Variants in PSME2 observed in about 807,000 individuals in gnomAD.
PSME2 encodes the protein proteasome activator complex subunit 2.
Under a neutral mutation model 38.8 loss-of-function variants are expected in PSME2, and 20 were observed. The ratio of observed to expected loss-of-function variants is 0.52; its 90% CI spans 0.36 to 0.75. PSME2 has a LOEUF of 0.75. Among genes scored for constraint, PSME2 ranks in the 30% least tolerant of loss-of-function variants. PSME2 has a pLI of 0.00. For synonymous variants in PSME2, 82 were observed against 102.5 expected, an observed-to-expected ratio of 0.80 and a Z score of 1.21; for missense variants, 227 against 287.6, an observed-to-expected ratio of 0.79 and a Z score of 1.52.
rs767418138 is a variant in PSME2, at chr14:24,144,466, C to T, written c.363G>A (p.Val121=). 6.2e-7 allele frequency: 1 copy of T among 1,610,710 alleles called. No homozygotes were observed. ...GGATCAGGTGTTGGATCCATGTAAT[C>T]ACCTGTGTTAAGAGGTATCATGTAA... ...VWTLKEKCIL[V]ITWIQHLIPK... Residue 121 remains valine, a splice_region_variant and synonymous_variant, in exon 7 of 11, where the codon GTG becomes GTA. Coordinates refer to ENST00000216802, the MANE Select transcript of PSME2 (RefSeq NM_002818.3).
At chr14:24,145,918 C>A in intron 2 of PSME2, 146 bp from the exon 3 acceptor site, 2 of 945,724 alleles carry the variant, frequency 2.1e-6, no homozygotes, top group East Asian at 2.5e-5. Flanking sequence ...AGGACTTGCC[C>A]AAGCTGGTAA....
Position 24,145,049 on chromosome 14 carries a change from C to G in PSME2, c.360+9G>C. 6.2e-7 allele frequency: 1 copy of G among 1,607,706 alleles called. No homozygotes were observed. Among genetic ancestry groups the G allele is most frequent in the Non-Finnish European group, 8.5e-7 (1 of 1,174,146 alleles). ...TTCTCTTTCTGCTTCCCCCATTTCC[C>G]AGGCTTACCAGAATGCATTTCTCTT... is the stretch of plus-strand genomic sequence containing the variant. On this transcript the variant is annotated intron_variant, in intron 6 of 10. Transcript: ENST00000216802.
intron 6 of PSME2, 71 bp from the exon 7 acceptor site, chr14:24,144,539 TAA>T: frequency 1.4e-6 from 2 of 1,445,506 alleles, no homozygotes; most frequent in Non-Finnish European, 1.9e-6. Flanking sequence ...TGTCACTTCC[TAA>T]AAAAAGTTAT....
rs2038125371 is a variant in PSME2, at chr14:24,144,819, C to G, written c.360+239G>C. On this transcript the variant is annotated intron_variant, in intron 6 of 10. Transcript: ENST00000216802. ...TACCACCTCTACTATGAACCCAATA[C>G]AGCAGTAGGTTCTGAGGTTACAGAG... 6.8e-6 allele frequency: 4 copies of G among 584,888 alleles called. No individual in the cohort carries two copies. In the Admixed American group the frequency reaches 9.0e-5, roughly 13 times the overall value. 36.2% of individuals were successfully genotyped at this position (584,888 alleles called of 1,614,324 possible). A position where few individuals can be genotyped will look rare whatever the true frequency, so the allele number is the denominator to read the frequency against.
At chr14:24,146,133 G>T (rs2038151264) in intron 2 of PSME2, 75 bp downstream of exon 2, 1 of 1,548,436 alleles carries the variant, frequency 6.5e-7, no homozygotes, top group Non-Finnish European at 8.9e-7. Flanking sequence ...ACTTGGGGGG[G>T]TCATTCTGAG....
intron 6 of PSME2, 90 bp from the exon 7 acceptor site, chr14:24,144,558 T>TAAGTACCCAATTAAATA: frequency 7.7e-7 from 1 of 1,294,794 alleles, no homozygotes; most frequent in Non-Finnish European, 1.1e-6. Context: ...TTATATTTAA[T>TAAGTACCCAATTAAATA]TGGGTACTTA....
intron 8 of PSME2, 55 bp downstream of exon 8, chr14:24,144,137 G>A (rs2038116530): frequency 9.9e-6 from 16 of 1,612,270 alleles, no homozygotes; most frequent in Non-Finnish European, 1.3e-5. Flanking sequence ...CAGCTCTGGG[G>A]GTCCCAAAGA....
chr14:24,144,177 T>C lies in PSME2; in HGVS notation c.497+15A>G. The C allele has an allele frequency of 6.2e-7, 1 of 1,614,232 alleles. No homozygotes were observed. The highest frequency in any genetic ancestry group is 8.5e-7 in the Non-Finnish European group (1 of 1,180,048). ...CTCCTACTGCCCCCAATGCTGGTCC[T>C]CCAGCTGCCCTCACTTGGAAATGGT... On this transcript the variant is annotated intron_variant, in intron 8 of 10. Coordinates refer to ENST00000216802, the MANE Select transcript of PSME2 (RefSeq NM_002818.3).
intron 7 of PSME2, 53 bp from the exon 8 acceptor site, chr14:24,144,312 C>G: frequency 6.2e-7 from 1 of 1,610,794 alleles, no homozygotes; most frequent in Non-Finnish European, 8.5e-7. Context: ...CCATTTCATA[C>G]ACTATCTTCC....
chr14:24,144,691 C>G, intron 6 of PSME2: 1 of 597,136 alleles, frequency 1.7e-6, no homozygotes, highest in South Asian at 2.1e-5. Context: ...GTCTAAGTGA[C>G]TTACTTAAGG....
Position 24,143,934 on chromosome 14 carries a change from G to T in PSME2, c.552+41C>A, listed in dbSNP as rs201228737. On this transcript the variant is annotated intron_variant, in intron 9 of 10. Transcript: ENST00000216802. This position sits in a 1 kb window ranked among gnomAD's most constrained non-coding sequence, Gnocchi z 4.4. ...AGGACTTCTTCCTCCACACCTCCTC[G>T]TCCCACACCCAGCTAAAAGGCTGGT... 6.3e-7 allele frequency: 1 copy of T among 1,597,538 alleles called. No homozygotes were observed. Among genetic ancestry groups the T allele is most frequent in the Non-Finnish European group, 8.6e-7 (1 of 1,165,464 alleles).
Position 24,145,152 on chromosome 14 carries a change from T to C in PSME2, c.266A>G (p.His89Arg), listed in dbSNP as rs7146672. 4.3e-6 allele frequency: 7 copies of C among 1,613,408 alleles called. No individual in the cohort carries two copies. The highest frequency in any genetic ancestry group is 5.9e-6 in the Non-Finnish European group (7 of 1,179,406). ...ETDKQEKKEV[H>R]KCGFLPGNEK... ...ATTCCCAGGGAGAAATCCACACTTA[T>C]GGACTGTGAGAAAGAGGGGATTCAG... The change falls in exon 6 of 11, where the codon CAT becomes CGT. Residue 89 changes from histidine (H) to arginine (R), a missense_variant. His to Arg is a conservative substitution (Grantham distance 29). Coordinates refer to ENST00000216802, the MANE Select transcript of PSME2 (RefSeq NM_002818.3).
chr14:24,144,634 G>A, intron 6 of PSME2, 166 bp from the exon 7 acceptor site: 1 of 696,014 alleles, frequency 1.4e-6, no homozygotes, highest in Non-Finnish European at 2.4e-6. Flanking sequence ...TCAGAGATAT[G>A]TATTTATTGT....
Position 24,145,042 on chromosome 14 carries a change from C to A in PSME2, c.360+16G>T, listed in dbSNP as rs2038129219. The A allele has an allele frequency of 6.2e-7, 1 of 1,601,682 alleles. No individual in the cohort carries two copies. The highest frequency in any genetic ancestry group is 1.3e-5 in the African/African-American group (1 of 74,642). Reference sequence around the variant, plus strand: ...GTGTGTCTTCTCTTTCTGCTTCCCCCATTTCCCAGGCTTACCAGAATGCAT... The same window carrying A: ...GTGTGTCTTCTCTTTCTGCTTCCCCAATTTCCCAGGCTTACCAGAATGCAT... On this transcript the variant is annotated intron_variant, in intron 6 of 10. Coordinates refer to ENST00000216802, the MANE Select transcript of PSME2 (RefSeq NM_002818.3).
At chr14:24,146,388 G>T in intron 1 of PSME2, 146 bp downstream of exon 1, 2 of 1,420,832 alleles carry the variant, frequency 1.4e-6, no homozygotes, top group Non-Finnish European at 2.0e-6. Flanking sequence ...GCAGTCAGAA[G>T]GCAGGAATCT....
At chr14:24,145,962 T>C (rs1179798591) in intron 2 of PSME2, 190 bp from the exon 3 acceptor site, 1 of 821,004 alleles carries the variant, frequency 1.2e-6, no homozygotes, top group East Asian at 2.6e-5. Flanking sequence ...GTGATATTCC[T>C]GCTTTGGAAG....
chr14:24,144,129 G>C, intron 8 of PSME2, 63 bp downstream of exon 8: 4 of 1,611,784 alleles, frequency 2.5e-6, no homozygotes, highest in Non-Finnish European at 3.4e-6. Flanking sequence ...GGGCTGCCCA[G>C]CTCTGGGGGT....
Position 24,145,478 on chromosome 14 carries a change from C to A in PSME2, c.145-13G>T. ...TGAGGGAGTCCTCCTGCACAGAGCT[C>A]ACTGTCAAGGGCTGCCCAACCTCTT... On this transcript the variant is annotated splice_polypyrimidine_tract_variant and intron_variant, in intron 3 of 10. Coordinates refer to ENST00000216802, the MANE Select transcript of PSME2 (RefSeq NM_002818.3). 6.5e-7 allele frequency: 1 copy of A among 1,544,518 alleles called. No individual in the cohort carries two copies. Among genetic ancestry groups the A allele is most frequent in the Non-Finnish European group, 8.7e-7 (1 of 1,147,004 alleles).
rs1263286879 is a variant in PSME2, at chr14:24,143,456, C to A, written c.673G>T (p.Glu225Ter). Reference protein sequence around the residue: ...ELYHIISSNLEKIVNPKGEEK... With the variant: ...ELYHIISSNL ...TCACCCTTTGGGTTGACAATTTTCT[C>A]CAGGTTGCTGCTGATGATATGATAA... Residue 225 changes from glutamate (E) to a stop codon, truncating the protein, a stop_gained, in exon 11 of 11, where the codon GAG (glutamate) becomes TAG (stop). Coordinates refer to ENST00000216802, the MANE Select transcript of PSME2 (RefSeq NM_002818.3). LOFTEE classifies it high-confidence loss of function. The surrounding 1 kb of genome is among the most constrained non-coding windows in gnomAD (Gnocchi z 4.4). The A allele has an allele frequency of 6.2e-7, 1 of 1,614,060 alleles. No individual in the cohort carries two copies. Among genetic ancestry groups the A allele is most frequent in the African/African-American group, 1.3e-5 (1 of 74,924 alleles).
Sources: allele counts gnomAD v4.1 joint callset, GRCh38; gene constraint gnomAD v4.1.1; non-coding constraint Gnocchi (gnomAD v3.1); transcripts MANE v1.5; gene names NCBI Gene and HGNC (gene_info 2026-07-23, HGNC 2026-07-21).